The following DST variants were observed in gnomAD, a reference collection of about 807,000 sequenced individuals.
The protein encoded by DST is bullous pemphigoid antigen.
DST carries 253 observed loss-of-function variants against 875.2 expected under a neutral mutation model. That is an observed-to-expected ratio of 0.29 (90% CI 0.26 to 0.32). The LOEUF (loss-of-function observed/expected upper bound fraction) is 0.32, where lower values mean the gene tolerates loss of function less well. Among genes scored for constraint, DST ranks in the 10% least tolerant of loss-of-function variants. The pLI is 1.00. For missense variants in DST, 8,287 were observed against 9,111.6 expected (o/e 0.91, Z 3.68); for synonymous variants, 3,124 against 3,197.1 (o/e 0.98, Z 0.77).
chr6:56,659,744 T>C (rs1222754423), intron 10 of DST, among the ~76,000 whole-genome samples: 1 of 151,236 alleles, frequency 6.6e-6, no homozygotes, highest in Non-Finnish European at 1.5e-5. Context: ...TAAGGGAGAG[T>C]GTTTTTGTTG....
chr6:56,581,523 A>G (rs755366924), intron 49 of DST, among the ~76,000 whole-genome samples: 3 of 152,208 alleles, frequency 2.0e-5, no homozygotes, highest in African/African-American at 4.8e-5. Context: ...GAGTGAACAG[A>G]TGTGGCTCAA....
chr6:56,564,785 T>C (rs1338217352), intron 55 of DST, among the ~76,000 whole-genome samples: 2 of 152,088 alleles, frequency 1.3e-5, no homozygotes, highest in African/African-American at 4.8e-5. Flanking sequence ...GCATGGAGGG[T>C]TGAATGTTAT....
chr6:56,472,008 G>A, intron 94 of DST, 51 bp downstream of exon 94: 1 of 1,585,964 alleles, frequency 6.3e-7, no homozygotes, highest in Non-Finnish European at 8.7e-7. Flanking sequence ...AATGTGTTAT[G>A]AGGAATGAGG....
At chr6:56,778,948 G>A (rs1298560477) in intron 4 of DST, among the ~76,000 whole-genome samples, 2 of 151,986 alleles carry the variant, frequency 1.3e-5, no homozygotes, top group African/African-American at 2.4e-5. Context: ...AGATCCCTGA[G>A]GAATCACCAC....
chr6:56,751,087 A>T (rs188738529), intron 4 of DST, among the ~76,000 whole-genome samples: 13 of 152,350 alleles, frequency 8.5e-5, no homozygotes, highest in African/African-American at 2.6e-4. Context: ...ATCTAAAAAA[A>T]AATCCAAACT....
intron 85 of DST, among the ~76,000 whole-genome samples, chr6:56,490,695 A>G (rs1249134258): frequency 2.0e-5 from 3 of 152,122 alleles, no homozygotes; most frequent in Admixed American, 2.0e-4. Context: ...GAGATATTAG[A>G]AGAAGAAGAA....
intron 72 of DST, 141 bp downstream of exon 72, chr6:56,515,309 G>A: frequency 1.1e-6 from 1 of 898,654 alleles, no homozygotes; most frequent in Non-Finnish European, 1.7e-6. Flanking sequence ...GCAATTATGA[G>A]GTAAGCAAAT....
At chr6:56,613,721 C>T (rs1465378195) in intron 37 of DST, among the ~76,000 whole-genome samples, 1 of 152,182 alleles carries the variant, frequency 6.6e-6, no homozygotes, top group Non-Finnish European at 1.5e-5. Flanking sequence ...TTAAGTGGTG[C>T]AGTCCAAGGA....
At chr6:56,825,526 AT>A (rs1417741979) in intron 4 of DST, among the ~76,000 whole-genome samples, 2,221 of 146,646 alleles carry the variant, frequency 0.015, 79 homozygotes, top group African/African-American at 0.053. Context: ...AAAAAAAAAA[AT>A]TTCTGTAGTT....
chr6:56,729,090 G>A (rs556465771), intron 5 of DST, among the ~76,000 whole-genome samples: 1 of 152,132 alleles, frequency 6.6e-6, no homozygotes, highest in African/African-American at 2.4e-5. Flanking sequence ...CAGTCTATCA[G>A]TGTTCCTTGT....
At chr6:56,687,574 G>A (rs1200349082) in intron 9 of DST, among the ~76,000 whole-genome samples, 1 of 152,148 alleles carries the variant, frequency 6.6e-6, no homozygotes, top group Non-Finnish European at 1.5e-5. Context: ...GAATGGAGGC[G>A]TGTAAGAGGG....
chr6:56,873,292 G>A (rs1171777726), intron 3 of DST, among the ~76,000 whole-genome samples: 1 of 152,036 alleles, frequency 6.6e-6, no homozygotes, highest in East Asian at 1.9e-4. Context: ...CCATTCTGTG[G>A]GCTGTCTCTT....
intron 4 of DST, among the ~76,000 whole-genome samples, chr6:56,838,377 C>T (rs535829297): frequency 6.6e-6 from 1 of 152,278 alleles, no homozygotes; most frequent in African/African-American, 2.4e-5. Context: ...CCCACAGAGC[C>T]AGGATCCTGA....
intron 4 of DST, among the ~76,000 whole-genome samples, chr6:56,752,321 CT>C (rs368574487): frequency 1.1e-3 from 158 of 145,178 alleles, no homozygotes; most frequent in South Asian, 1.5e-3. Context: ...TGATTTTATG[CT>C]TTTTTTTTTT....
chr6:56,826,071 C>T (rs977848800), intron 4 of DST, among the ~76,000 whole-genome samples: 1 of 152,172 alleles, frequency 6.6e-6, no homozygotes, highest in African/African-American at 2.4e-5. Flanking sequence ...TCTTAGGGAC[C>T]AATATTACAC....
In DST at chr6:56,704,298, A is replaced by T. The variant is rs773511005; in HGVS notation, c.759T>A (p.Val253=). 6.5e-7 allele frequency: 1 copy of T among 1,545,134 alleles called. No individual in the cohort carries two copies. The highest frequency in any genetic ancestry group is 8.8e-7 in the Non-Finnish European group (1 of 1,136,352). ...DGHNLISLLE[V]LSGDTLPRER... ...AACTTACCAAGGTATCTCCTGAAAG[A>T]ACCTCTAAAAGAGAAATCAAATTGT... Residue 253 remains valine (V), a synonymous_variant, in exon 6 of 104, where the codon GTT becomes GTA. Coordinates refer to ENST00000680361, the MANE Select transcript of DST (RefSeq NM_001374736.1).
chr6:56,564,755 T>C (rs577983922), intron 55 of DST, among the ~76,000 whole-genome samples: 1 of 152,206 alleles, frequency 6.6e-6, no homozygotes, highest in Non-Finnish European at 1.5e-5. Flanking sequence ...CATCGATACC[T>C]AGTTTATTAA....
chr6:56,509,422 G>T (rs144231699), intron 74 of DST, among the ~76,000 whole-genome samples: 1 of 152,102 alleles, frequency 6.6e-6, no homozygotes, highest in Non-Finnish European at 1.5e-5. Context: ...TTTATACATG[G>T]TCTATGTATA....
chr6:56,612,836 A>G (rs749626520), intron 37 of DST, among the ~76,000 whole-genome samples: 20 of 152,180 alleles, frequency 1.3e-4, no homozygotes, highest in Non-Finnish European at 2.5e-4. Context: ...GTAATGTTTT[A>G]GAGAATTTAA....
Sources: gnomAD v4.1 joint callset for allele counts (sites outside exome capture counted in the v4.1 genomes callset) on GRCh38, gnomAD v4.1.1 for gene constraint, MANE v1.5 for transcripts, NCBI Gene and HGNC (gene_info 2026-07-23, HGNC 2026-07-21) for gene names.